Variants in CRADD observed in about 807,000 individuals in gnomAD.
CRADD encodes death domain-containing protein CRADD.
Under a neutral mutation model 15.5 loss-of-function variants are expected in CRADD, and 9 were observed. The ratio of observed to expected loss-of-function variants is 0.58; its 90% CI spans 0.35 to 1.01. The LOEUF is 1.01. Among genes scored for constraint, CRADD ranks in the 50% least tolerant of loss-of-function variants. The pLI, the probability that CRADD is intolerant of heterozygous loss-of-function variation, is 0.02. For missense variants in CRADD, 227 were observed against 250.3 expected (o/e 0.91, Z 0.63); for synonymous variants, 118 against 107.6 (o/e 1.10, Z -0.60).
chr12:93,830,617 T>A (rs1042090482), intron 2 of CRADD, among the ~76,000 whole-genome samples: 2 of 152,204 alleles, frequency 1.3e-5, no homozygotes, highest in Admixed American at 1.3e-4. Context: ...TGCAGTCCTT[T>A]ATAAATATGC....
Position 93,741,529 on chromosome 12 carries a change from A to T in CRADD, c.298+62457A>T, listed in dbSNP as rs541406447. ...CCTGATACCTCATAGGAAGCTTTGG[A>T]TCTTGTTCTCAGCTACCAAAATTCT... On this transcript the variant is annotated intron_variant, in intron 2 of 2. Transcript: ENST00000332896. Among the ~76,000 whole-genome samples, 4 of 152,360 alleles carry T rather than the reference A, an allele frequency of 2.6e-5. No homozygotes were observed. In the East Asian group the frequency reaches 7.7e-4, roughly 29 times the overall value.
At chr12:93,787,017 T>A (rs1244999873) in intron 2 of CRADD, among the ~76,000 whole-genome samples, 1 of 152,156 alleles carries the variant, frequency 6.6e-6, no homozygotes, top group Non-Finnish European at 1.5e-5. Context: ...TGTGTATGAG[T>A]CCACTTTGAG....
intron 2 of CRADD, among the ~76,000 whole-genome samples, chr12:93,893,722 A>G (rs1958592732): frequency 6.6e-6 from 1 of 152,136 alleles, no homozygotes. Context: ...CCTGGCCAAC[A>G]TGATGAAATC....
In CRADD at chr12:93,824,055, G is replaced by T. The variant is rs1593020952; in HGVS notation, c.299-25915G>T. 6.6e-6 allele frequency among the ~76,000 whole-genome samples: 1 copy of T among 152,124 alleles called. No homozygotes were observed. Among genetic ancestry groups the T allele is most frequent in the Non-Finnish European group, 1.5e-5 (1 of 68,020 alleles). The stretch of plus-strand genomic sequence containing the variant: ...TGAATGGAAAGCTGCTTTTTACCGT[G>T]TTCCAAAACACTGGCTCCGTTTGGT... On this transcript the variant is annotated intron_variant, in intron 2 of 2. Transcript: ENST00000332896. The surrounding 1 kb of genome is among the most constrained non-coding windows in gnomAD (Gnocchi z 4.3).
At chr12:93,803,681 C>T (rs1957501426) in intron 2 of CRADD, among the ~76,000 whole-genome samples, 1 of 151,492 alleles carries the variant, frequency 6.6e-6, no homozygotes, top group South Asian at 2.1e-4. Context: ...CAAAACAAAA[C>T]AGAAACTCAT....
intron 2 of CRADD, among the ~76,000 whole-genome samples, chr12:93,736,611 A>T (rs1956574481): frequency 6.6e-6 from 1 of 152,330 alleles, no homozygotes; most frequent in Non-Finnish European, 1.5e-5. Flanking sequence ...CTTGAGTTCC[A>T]CATTGATGTC....
intron 2 of CRADD, among the ~76,000 whole-genome samples, chr12:93,794,770 C>A (rs920321645): frequency 1.3e-5 from 2 of 152,186 alleles, no homozygotes; most frequent in African/African-American, 2.4e-5. Context: ...GAAAGCCGAA[C>A]TCCTTTGTGA....
chr12:93,870,918 T>G (rs1958413451), intron 2 of CRADD, among the ~76,000 whole-genome samples: 1 of 152,180 alleles, frequency 6.6e-6, no homozygotes, highest in African/African-American at 2.4e-5. Context: ...GAGATGATAG[T>G]GGACAACAAT....
intron 2 of CRADD, among the ~76,000 whole-genome samples, chr12:93,738,933 CTT>C (rs1321453190): frequency 8.5e-5 from 13 of 152,132 alleles, no homozygotes; most frequent in Non-Finnish European, 1.9e-4. Flanking sequence ...TAAGGGGAAA[CTT>C]ATCATTTAGG....
At chr12:93,706,433 G>GT (rs145047369) in intron 2 of CRADD, among the ~76,000 whole-genome samples, 12,059 of 152,134 alleles carry the variant, frequency 0.079, 659 homozygotes, top group African/African-American at 0.15. Context: ...ACCAAAATTT[G>GT]TTTTTTTGTG....
rs373120590 is a variant in CRADD, at chr12:93,858,573, G to A, written c.299-35477G>A. Among the ~76,000 whole-genome samples, 10 of 152,256 alleles carry A rather than the reference G, an allele frequency of 6.6e-5. No individual in the cohort carries two copies. The East Asian group carries it at 1.5e-3, about 24-fold the overall frequency. The stretch of plus-strand genomic sequence containing the variant: ...ATACCCCAAAATGAAAGCCTCCAAA[G>A]CAGCCTCAGAAGCAAAGTCTCTCTC... On this transcript the variant is annotated intron_variant, in intron 2 of 2. Transcript: ENST00000548483.
chr12:93,748,193 C>A (rs2136936217), intron 2 of CRADD, among the ~76,000 whole-genome samples: 1 of 152,294 alleles, frequency 6.6e-6, no homozygotes, highest in Admixed American at 6.5e-5. Context: ...TGTTTGTTGT[C>A]CCCTCTCGCA....
chr12:93,773,738 C>T (rs182332036), intron 2 of CRADD, among the ~76,000 whole-genome samples: 78 of 150,878 alleles, frequency 5.2e-4, no homozygotes, highest in African/African-American at 1.4e-3. Context: ...GTGCAGAAGG[C>T]CAGGCTGGAG....
intron 2 of CRADD, among the ~76,000 whole-genome samples, chr12:93,845,077 T>C (rs964122142): frequency 6.6e-6 from 1 of 152,148 alleles, no homozygotes; most frequent in Admixed American, 6.5e-5. Flanking sequence ...AAAGAGACCA[T>C]AGGAGTGAGT....
At chr12:93,805,593 T>TAAATAAATAAATAA in intron 2 of CRADD, among the ~76,000 whole-genome samples, 1 of 151,878 alleles carries the variant, frequency 6.6e-6, no homozygotes, top group African/African-American at 2.4e-5. Flanking sequence ...AATAAATAAA[T>TAAATAAATAAATAA]AAATAAAAAT....
rs145861957 is a variant in CRADD, at chr12:93,865,513, G to A, written c.299-28537G>A. On this transcript the variant is annotated intron_variant, in intron 2 of 2. Transcript: ENST00000548483. ...GGGTCACTGTAGCCTCAACCTCCTC[G>A]GCTCAGGGGATCCTTCTGCCTCAGC... is the stretch of plus-strand genomic sequence containing the variant. 1.2e-3 allele frequency among the ~76,000 whole-genome samples: 186 copies of A among 152,176 alleles called. 5 individuals are homozygous for A. Among genetic ancestry groups the A allele is most frequent in the African/African-American group, 4.1e-3 (172 of 41,508 alleles).
At chr12:93,728,561 G>C (rs183427920) in intron 2 of CRADD, among the ~76,000 whole-genome samples, 180 of 152,224 alleles carry the variant, frequency 1.2e-3, no homozygotes, top group African/African-American at 4.2e-3. Context: ...GAAAAACATT[G>C]CCTGAGACTA....
intron 2 of CRADD, among the ~76,000 whole-genome samples, chr12:93,739,494 A>T (rs1291014389): frequency 6.9e-6 from 1 of 144,674 alleles, no homozygotes; most frequent in East Asian, 2.0e-4. Flanking sequence ...AGGAGTTCCT[A>T]AAAAAAAAAA....
chr12:93,849,840 A>G, intron 2 of CRADD, 130 bp from the exon 3 acceptor site: 1 of 675,080 alleles, frequency 1.5e-6, no homozygotes, highest in East Asian at 2.7e-5. Context: ...GCCCCCAGGA[A>G]GAAGACAAGA....
Sources: gnomAD v4.1 joint callset for allele counts (sites outside exome capture counted in the v4.1 genomes callset) on GRCh38, gnomAD v4.1.1 for gene constraint, Gnocchi (gnomAD v3.1) non-coding constraint, MANE v1.5 for transcripts, NCBI Gene and HGNC (gene_info 2026-07-23, HGNC 2026-07-21) for gene names.